PDE6A: variants seen among roughly 807,000 people sequenced by gnomAD.
PDE6A encodes phosphodiesterase 6A, also known as rod cGMP-specific 3',5'-cyclic phosphodiesterase subunit alpha.
In PDE6A, 84 loss-of-function variants were observed where a neutral mutation model predicts 106.3. That is an observed-to-expected ratio of 0.79 (90% CI 0.66 to 0.95). The LOEUF is 0.95. Ranked by LOEUF, PDE6A falls within the 40% of genes least tolerant of loss-of-function variation. The probability of loss-of-function intolerance (pLI) is 0.00; values close to 1 mark genes in which losing one functional copy is unlikely to be tolerated. For missense variants in PDE6A, 1,052 were observed against 1,084.9 expected (o/e 0.97, Z 0.43); for synonymous variants, 394 against 386.6 (o/e 1.02, Z -0.23).
At chr5:149,877,628 T>TCGA (rs1760789307) in intron 17 of PDE6A, among the ~76,000 whole-genome samples, 1 of 152,182 alleles carries the variant, frequency 6.6e-6, no homozygotes, top group African/African-American at 2.4e-5. Context: ...CAGACTGGTC[T>TCGA]CGAACTCCTG....
At position 149,896,402 on chromosome 5, in the gene PDE6A, A is replaced by G; in HGVS notation, c.1574T>C (p.Met525Thr). The G allele has an allele frequency of 1.9e-6, 3 of 1,614,130 alleles. No individual in the cohort carries two copies. Among genetic ancestry groups the G allele is most frequent in the Non-Finnish European group, 2.5e-6 (3 of 1,179,970 alleles). The change falls in exon 12 of 22, where the codon ATG becomes ACG. Residue 525 changes from methionine (M) to threonine (T), a missense_variant. Physicochemically the swap from Met to Thr is moderately conservative, Grantham distance 81. Transcript: ENST00000255266. The part of the protein sequence containing the change: ...ELELVKCGIQ[M>T]YYELKVVDKF... Reference sequence around the variant, plus strand: ...ATCCACCACTTTGAGCTCATAATACATCTGTATTCCACATTTTACCAGCTC... The same window carrying G: ...ATCCACCACTTTGAGCTCATAATACGTCTGTATTCCACATTTTACCAGCTC...
rs1402912127 is a variant in PDE6A, at chr5:149,931,047, A to G, written c.839T>C (p.Leu280Ser). ...TCTCACCTTCTGCTTGGTCATGTCT[A>G]AGAGACCCACAGAGTATCTGTCACA... is the stretch of plus-strand genomic sequence containing the variant. ...LNCDRYSVGL[L>S]DMTKQKEFFD... The change falls in exon 4 of 22, where the codon TTA (leucine) becomes TCA (serine). Residue 280 changes from leucine (L) to serine (S), a missense_variant. Leu to Ser is a moderately radical substitution (Grantham distance 145, BLOSUM62 -2). Around this residue, in one of 3 missense-constraint regions of PDE6A, gnomAD observed 913 missense variants for 915.2 expected, o/e 1.00. Coordinates refer to ENST00000255266, the MANE Select transcript of PDE6A (RefSeq NM_000440.3). 6.2e-7 allele frequency: 1 copy of G among 1,613,974 alleles called. No individual in the cohort carries two copies. Among genetic ancestry groups the G allele is most frequent in the Admixed American group, 1.7e-5 (1 of 60,000 alleles).
chr5:149,894,876 G>A (rs933137253), intron 13 of PDE6A, among the ~76,000 whole-genome samples: 14 of 151,908 alleles, frequency 9.2e-5, no homozygotes, highest in Admixed American at 7.2e-4. Flanking sequence ...TGATCCACCC[G>A]CCTCGGCATC....
chr5:149,864,891 T>C (rs549601059), intron 20 of PDE6A, among the ~76,000 whole-genome samples: 15 of 152,276 alleles, frequency 9.9e-5, no homozygotes, highest in Admixed American at 2.6e-4. Context: ...TTTGATAACA[T>C]ATATAAAGCA....
intron 13 of PDE6A, among the ~76,000 whole-genome samples, chr5:149,887,780 C>T (rs2113562142): frequency 6.6e-6 from 1 of 152,066 alleles, no homozygotes; most frequent in East Asian, 1.9e-4. Flanking sequence ...GCAAAACCGC[C>T]TCATCATGAG....
chr5:149,940,207 G>A lies in PDE6A; in HGVS notation c.474+3993C>T, dbSNP rs570729926. ...TCTGGGTTTCTGTTTCATCATCTGTGAAACAGAGATAATGACAGTTATGAC... is the reference window on the plus strand; with the variant it reads ...TCTGGGTTTCTGTTTCATCATCTGTAAAACAGAGATAATGACAGTTATGAC... On this transcript the variant is annotated intron_variant, in intron 1 of 21. Coordinates refer to ENST00000255266, the MANE Select transcript of PDE6A (RefSeq NM_000440.3). 2.0e-5 allele frequency: 3 copies of A among 152,282 alleles called. No homozygotes were observed. In the South Asian group the frequency reaches 6.2e-4, roughly 32 times the overall value. The allele number at this position is 152,282 out of a possible 1,614,324, so 9.4% of individuals were successfully genotyped here. A position where few individuals can be genotyped will look rare whatever the true frequency, so the allele number is the denominator to read the frequency against.
Position 149,944,656 on chromosome 5 carries a change from T to C in PDE6A, c.18A>G (p.Ala6=). MGEVT[A]EEVEKFLDSN... is the part of the protein sequence containing the mutation. ...AGTCCAGGAACTTCTCCACCTCCTC[T>C]GCTGTCACCTCGCCCATGGCTGGGA... The change falls in exon 1 of 22, where the codon GCA becomes GCG. Residue 6 remains alanine, a synonymous_variant. Coordinates refer to ENST00000255266, the MANE Select transcript of PDE6A (RefSeq NM_000440.3). 1 of 1,610,552 alleles carries C rather than the reference T, an allele frequency of 6.2e-7. No homozygotes were observed. Among genetic ancestry groups the C allele is most frequent in the Non-Finnish European group, 8.5e-7 (1 of 1,178,544 alleles).
chr5:149,924,640 C>T (rs1006548253), intron 4 of PDE6A, among the ~76,000 whole-genome samples: 1 of 152,102 alleles, frequency 6.6e-6, no homozygotes, highest in Admixed American at 6.5e-5. Context: ...CAGACCAATC[C>T]TCCAACTGGA....
At chr5:149,907,047 T>C (rs1173624101) in intron 7 of PDE6A, among the ~76,000 whole-genome samples, 1 of 152,212 alleles carries the variant, frequency 6.6e-6, no homozygotes, top group Admixed American at 6.5e-5. Flanking sequence ...TCTGGGATTA[T>C]AGGCGTGAGC....
chr5:149,860,670 C>A lies in PDE6A; in HGVS notation c.*225G>T. On this transcript the variant is annotated 3_prime_UTR_variant, in exon 22 of 22. Coordinates refer to ENST00000255266, the MANE Select transcript of PDE6A (RefSeq NM_000440.3). The stretch of plus-strand genomic sequence containing the variant: ...TTTTGGCGATTTTTTTTTTTAAGTT[C>A]AACAGCTATCATTAGTGTTACTGTA... 1.1e-5 allele frequency: 4 copies of A among 363,664 alleles called. No homozygotes were observed. The highest frequency in any genetic ancestry group is 4.1e-5 in the East Asian group (1 of 24,322). The allele number at this position is 363,664 out of a possible 1,614,324, so 22.5% of individuals were successfully genotyped here.
At chr5:149,884,101 G>C (rs1761030380) in intron 16 of PDE6A, among the ~76,000 whole-genome samples, 1 of 151,410 alleles carries the variant, frequency 6.6e-6, no homozygotes, top group South Asian at 2.1e-4. Context: ...TGAGGTGGGA[G>C]GATCCCTTGA....
rs1760042064 is a variant in PDE6A, at chr5:149,859,155, C to T, written c.*1740G>A. The T allele has an allele frequency of 6.6e-6, 1 of 152,132 alleles. No homozygotes were observed. Among genetic ancestry groups the T allele is most frequent in the Admixed American group, 6.5e-5 (1 of 15,280 alleles). 9.4% of individuals were successfully genotyped at this position (152,132 alleles called of 1,614,324 possible). On this transcript the variant is annotated 3_prime_UTR_variant, in exon 22 of 22. Coordinates refer to ENST00000255266, the MANE Select transcript of PDE6A (RefSeq NM_000440.3). ...CTATCTTTTTAAACCAACAGAATGC[C>T]TGCTAATTTAAGAAACAGAAGTTCT...
rs561498132 is a variant in PDE6A, at chr5:149,865,650, T to G, written c.2358+520A>C. On this transcript the variant is annotated intron_variant, in intron 20 of 21. Coordinates refer to ENST00000255266, the MANE Select transcript of PDE6A (RefSeq NM_000440.3). ...AATCCTGCCTTATGGCTAAGTCCAG[T>G]GACACTGGCCCTGTCACTTTGCATC... 1.3e-4 allele frequency among the ~76,000 whole-genome samples: 20 copies of G among 152,308 alleles called. No homozygotes were observed. In the East Asian group the frequency reaches 3.9e-3, roughly 29 times the overall value.
At chr5:149,910,415 A>G (rs1753344996) in intron 6 of PDE6A, among the ~76,000 whole-genome samples, 1 of 152,230 alleles carries the variant, frequency 6.6e-6, no homozygotes, top group Non-Finnish European at 1.5e-5. Context: ...CAATTAACCT[A>G]TAACGTAATC....
At chr5:149,933,528 GTT>G (rs1201164249) in intron 3 of PDE6A, among the ~76,000 whole-genome samples, 1 of 152,146 alleles carries the variant, frequency 6.6e-6, no homozygotes, top group African/African-American at 2.4e-5. Context: ...TATCTCATAG[GTT>G]TTTAATAAAA....
At chr5:149,936,980 C>T (rs916522104) in intron 1 of PDE6A, among the ~76,000 whole-genome samples, 9 of 152,118 alleles carry the variant, frequency 5.9e-5, no homozygotes, top group African/African-American at 1.4e-4. Context: ...TACATTCAAA[C>T]GGCGAGACAG....
chr5:149,920,975 A>AAAGAAAGAAAGAAAG (rs1753697540), intron 5 of PDE6A, among the ~76,000 whole-genome samples: 2 of 132,266 alleles, frequency 1.5e-5, no homozygotes, highest in Non-Finnish European at 3.0e-5. Context: ...AGAAAGAAAG[A>AAAGAAAGAAAGAAAG]AAGAAAGAAA....
chr5:149,907,442 T>C, intron 6 of PDE6A, 64 bp from the exon 7 acceptor site: 1 of 1,367,412 alleles, frequency 7.3e-7, no homozygotes. Context: ...AAGACTAAAA[T>C]CTGGGTGTTT....
At chr5:149,895,159 C>T in intron 13 of PDE6A, 24 bp downstream of exon 13, 2 of 1,478,846 alleles carry the variant, frequency 1.4e-6, no homozygotes, top group Non-Finnish European at 9.5e-7. Flanking sequence ...GCCCACCCTA[C>T]CAGCCCCACC....
Sources: gnomAD v4.1 joint callset for allele counts (sites outside exome capture counted in the v4.1 genomes callset) on GRCh38, gnomAD v4.1.1 for gene constraint, gnomAD v4.1.1 regional missense constraint, MANE v1.5 for transcripts, NCBI Gene and HGNC (gene_info 2026-07-23, HGNC 2026-07-21) for gene names.